The following MAN2A1 variants were observed in gnomAD, a reference collection of about 807,000 sequenced individuals.
The protein encoded by MAN2A1 is alpha-mannosidase 2.
In MAN2A1, 76 loss-of-function variants were observed where a neutral mutation model predicts 142.6. The ratio of observed to expected loss-of-function variants is 0.53; its 90% CI spans 0.44 to 0.65. The LOEUF is 0.65. Among genes scored for constraint, MAN2A1 ranks in the 30% least tolerant of loss-of-function variants. The pLI is 0.00. For synonymous variants in MAN2A1, 559 were observed against 473.2 expected (o/e 1.18, Z -2.35); for missense variants, 1,311 against 1,365.1 (o/e 0.96, Z 0.62).
chr5:109,857,662 T>C (rs1755658622), intron 20 of MAN2A1, among the ~76,000 whole-genome samples: 1 of 152,228 alleles, frequency 6.6e-6, no homozygotes, highest in Non-Finnish European at 1.5e-5. Flanking sequence ...TGTCACCTTT[T>C]TTTGTGGTTA....
chr5:109,732,700 G>C (rs971452930), intron 4 of MAN2A1, among the ~76,000 whole-genome samples: 139 of 152,248 alleles, frequency 9.1e-4, no homozygotes, highest in Middle Eastern at 3.4e-3. Flanking sequence ...TCTGAGGGCT[G>C]TGTTCTGTTC....
At chr5:109,693,842 A>G (rs1422167160) in intron 1 of MAN2A1, among the ~76,000 whole-genome samples, 3 of 152,206 alleles carry the variant, frequency 2.0e-5, no homozygotes, top group Non-Finnish European at 4.4e-5. Flanking sequence ...TTGTGTGTAT[A>G]TTTCAGGGTT....
At chr5:109,828,410 T>G (rs992741619) in intron 16 of MAN2A1, among the ~76,000 whole-genome samples, 1 of 152,212 alleles carries the variant, frequency 6.6e-6, no homozygotes, top group Non-Finnish European at 1.5e-5. Flanking sequence ...TCCTGTATCC[T>G]CTTGTGTTTT....
intron 15 of MAN2A1, among the ~76,000 whole-genome samples, chr5:109,821,082 G>T (rs1435556104): frequency 6.6e-6 from 1 of 152,152 alleles, no homozygotes; most frequent in Admixed American, 6.5e-5. Context: ...TTTTGAAAAT[G>T]CCAGAAACTA....
At chr5:109,740,643 CTG>C (rs1411515230) in intron 4 of MAN2A1, among the ~76,000 whole-genome samples, 2 of 152,306 alleles carry the variant, frequency 1.3e-5, no homozygotes, top group South Asian at 2.1e-4. Context: ...GGCGAAGAGT[CTG>C]TGATTAGTAT....
intron 21 of MAN2A1, among the ~76,000 whole-genome samples, 172 bp from the exon 22 acceptor site, chr5:109,866,674 T>C (rs1408199606): frequency 6.6e-6 from 1 of 152,106 alleles, no homozygotes; most frequent in Non-Finnish European, 1.5e-5. Context: ...AGAGAACTTA[T>C]ATATGTATAT....
At position 109,690,170 on chromosome 5, in the gene MAN2A1, C is replaced by T; in HGVS notation, c.-248C>T. 1 of 460,202 alleles carries T rather than the reference C, an allele frequency of 2.2e-6. No homozygotes were observed. Among genetic ancestry groups the T allele is most frequent in the Non-Finnish European group, 4.0e-6 (1 of 253,136 alleles). 28.5% of individuals were successfully genotyped at this position (460,202 alleles called of 1,614,324 possible). ...TTGTGGGGGCCCCCCTTCCCAGTTG[C>T]CGGCGAGTCTCGCCTCGAGAGGGGC... On this transcript the variant is annotated 5_prime_UTR_variant, in exon 1 of 22. Transcript: ENST00000261483.
intron 1 of MAN2A1, among the ~76,000 whole-genome samples, chr5:109,706,491 G>T (rs1413707464): frequency 6.6e-6 from 1 of 152,144 alleles, no homozygotes; most frequent in East Asian, 1.9e-4. Context: ...AGAAACTGAG[G>T]CCCAGGATTA....
intron 6 of MAN2A1, 67 bp from the exon 7 acceptor site, chr5:109,770,288 A>G (rs1753108807): frequency 4.2e-6 from 6 of 1,415,420 alleles, no homozygotes; most frequent in African/African-American, 2.8e-5. Flanking sequence ...AAGTAATGAC[A>G]TTTTGAATAT....
chr5:109,843,512 T>C lies in MAN2A1; in HGVS notation c.2700+1051T>C, dbSNP rs193251814. ...ATTGATCCATACCTATTAAGTTTGTTCCCTATATATTGGTTTAATGTATGA... is the reference window on the plus strand; with the variant it reads ...ATTGATCCATACCTATTAAGTTTGTCCCCTATATATTGGTTTAATGTATGA... On this transcript the variant is annotated intron_variant, in intron 17 of 21. Coordinates refer to ENST00000261483, the MANE Select transcript of MAN2A1 (RefSeq NM_002372.4). Among the ~76,000 whole-genome samples, 72 of 152,282 alleles carry C rather than the reference T, an allele frequency of 4.7e-4. 1 individual carries two copies. The highest frequency in any genetic ancestry group is 2.7e-3 in the Admixed American group (42 of 15,300).
chr5:109,851,516 C>T (rs1755481029), intron 19 of MAN2A1, among the ~76,000 whole-genome samples: 1 of 152,144 alleles, frequency 6.6e-6, no homozygotes, highest in Admixed American at 6.5e-5. Context: ...AGCTCTCTTG[C>T]ACTCTCTTGC....
chr5:109,729,066 A>C (rs1447912024), intron 3 of MAN2A1, among the ~76,000 whole-genome samples: 1 of 152,136 alleles, frequency 6.6e-6, no homozygotes, highest in East Asian at 1.9e-4. Context: ...AAATATAAAT[A>C]ACTGCTTTTT....
At chr5:109,693,442 A>G (rs1340471581) in intron 1 of MAN2A1, among the ~76,000 whole-genome samples, 1 of 151,816 alleles carries the variant, frequency 6.6e-6, no homozygotes, top group Non-Finnish European at 1.5e-5. Context: ...AGAACGGTTT[A>G]TTTAGATAGG....
chr5:109,855,235 CT>C lies in MAN2A1; in HGVS notation c.3073del (p.Ser1025ProfsTer27). The C allele has an allele frequency of 9.4e-7, 1 of 1,062,950 alleles. No individual in the cohort carries two copies. The highest frequency in any genetic ancestry group is 1.2e-6 in the Non-Finnish European group (1 of 810,234). The allele number at this position is 1,062,950 out of a possible 1,614,324, so 65.8% of individuals were successfully genotyped here. A position where few individuals can be genotyped will look rare whatever the true frequency, so the allele number is the denominator to read the frequency against. ...HPVIPMANKFSSPTLELQGEF... is the reference protein window; with the variant it reads ...HPVIPMANKFXSPTLELQGEF... ...CAGTCATTCCAATGGCAAATAAGTT[CT>C]CCTCACCTACCCTTGAGCTGCAAGG... is the stretch of plus-strand genomic sequence containing the variant. On this transcript the variant is annotated frameshift_variant, in exon 20 of 22. Transcript: ENST00000261483. LOFTEE classifies it high-confidence loss of function.
intron 1 of MAN2A1, among the ~76,000 whole-genome samples, chr5:109,694,103 A>G (rs1750747091): frequency 6.6e-6 from 1 of 152,190 alleles, no homozygotes; most frequent in Non-Finnish European, 1.5e-5. Context: ...TGGAGAAGTA[A>G]ATTAATGAGT....
chr5:109,690,945 G>T (rs1019452347), intron 1 of MAN2A1, among the ~76,000 whole-genome samples: 2 of 152,144 alleles, frequency 1.3e-5, no homozygotes, highest in Non-Finnish European at 2.9e-5. Context: ...GGGTTAAGCC[G>T]CCCGCACCAG....
chr5:109,768,697 A>C (rs1371447668), intron 6 of MAN2A1, among the ~76,000 whole-genome samples: 1 of 152,206 alleles, frequency 6.6e-6, no homozygotes, highest in East Asian at 1.9e-4. Context: ...ACTTTCTTAT[A>C]TGTACTCCTG....
At chr5:109,760,631 C>T (rs1752816661) in intron 5 of MAN2A1, among the ~76,000 whole-genome samples, 1 of 152,166 alleles carries the variant, frequency 6.6e-6, no homozygotes, top group African/African-American at 2.4e-5. Flanking sequence ...CACATCCTGT[C>T]CCGCATCTGT....
At chr5:109,776,127 A>T (rs1223630486) in intron 8 of MAN2A1, among the ~76,000 whole-genome samples, 3 of 149,722 alleles carry the variant, frequency 2.0e-5, no homozygotes, top group Admixed American at 6.7e-5. Context: ...AAGATTAATT[A>T]TTCAGCATGT....
Sources: gnomAD v4.1 joint callset for allele counts (sites outside exome capture counted in the v4.1 genomes callset) on GRCh38, gnomAD v4.1.1 for gene constraint, MANE v1.5 for transcripts, NCBI Gene and HGNC (gene_info 2026-07-23, HGNC 2026-07-21) for gene names.